The following RALYL variants were observed in gnomAD, a reference collection of about 807,000 sequenced individuals.
RALYL encodes RALY RNA binding protein like.
RALYL carries 29 observed loss-of-function variants against 35.1 expected under a neutral mutation model. The ratio of observed to expected loss-of-function variants is 0.83; its 90% confidence interval spans 0.61 to 1.13. The LOEUF is 1.13. RALYL is among the 50% of genes most tolerant of loss of function. The pLI is 0.00. For missense variants in RALYL, 359 were observed against 360.4 expected, an observed-to-expected ratio of 1.00 and a Z score of 0.03; for synonymous variants, 120 against 127.6, an observed-to-expected ratio of 0.94 and a Z score of 0.40.
rs576933612 is a variant in RALYL at position 84,275,585 on chromosome 8, T to C, written c.-24+91161T>C. Among the ~76,000 whole-genome samples, 3 of 152,038 alleles carry C rather than the reference T, an allele frequency of 2.0e-5. No individual in the cohort carries two copies. The South Asian group carries it at 6.2e-4, about 32-fold the overall frequency. On this transcript the variant is annotated intron_variant, in intron 1 of 8. Coordinates refer to ENST00000521268, the MANE Select transcript of RALYL (RefSeq NM_173848.7). Reference sequence around the variant, plus strand: ...CTGATCATTTTTCAAGACAGTATATTGTTATTATCTATAGTCATAATTTTC... The same window carrying C: ...CTGATCATTTTTCAAGACAGTATATCGTTATTATCTATAGTCATAATTTTC...
chr8:84,618,166 T>C (rs1726984300), intron 2 of RALYL, among the ~76,000 whole-genome samples: 1 of 151,882 alleles, frequency 6.6e-6, no homozygotes, highest in Admixed American at 6.6e-5. Flanking sequence ...TCAGAAGGAA[T>C]GGTACCAGTT....
At chr8:84,799,725 G>A (rs1486748599) in intron 3 of RALYL, among the ~76,000 whole-genome samples, 2 of 152,228 alleles carry the variant, frequency 1.3e-5, no homozygotes, top group African/African-American at 4.8e-5. Flanking sequence ...GGGAGGCCGA[G>A]GCAGGCGGAT....
In RALYL at chr8:84,619,583, G is replaced by T. The variant is rs1052161435; in HGVS notation, c.256+90006G>T. ...CTGTGTCTTTTAATTGGAGCATTTA[G>T]TCCATTTACATTTAAAGTTAATATT... is the stretch of plus-strand genomic sequence containing the variant. On this transcript the variant is annotated intron_variant, in intron 2 of 8. Coordinates refer to ENST00000521268, the MANE Select transcript of RALYL (RefSeq NM_173848.7). Among the ~76,000 whole-genome samples, 41 of 145,910 alleles carry T rather than the reference G, an allele frequency of 2.8e-4. 1 individual carries two copies. Among genetic ancestry groups the T allele is most frequent in the African/African-American group, 1.0e-3 (40 of 38,670 alleles).
chr8:84,326,127 A>G (rs1845751006), intron 1 of RALYL, among the ~76,000 whole-genome samples: 1 of 152,200 alleles, frequency 6.6e-6, no homozygotes, highest in Non-Finnish European at 1.5e-5. Flanking sequence ...AAAGCAAAAC[A>G]ATAAGTAGTA....
At chr8:84,595,689 A>G (rs1319883155) in intron 2 of RALYL, among the ~76,000 whole-genome samples, 10 of 152,116 alleles carry the variant, frequency 6.6e-5, no homozygotes, top group Admixed American at 4.6e-4. Context: ...GACAAGGGTC[A>G]TAGAAAATCC....
chr8:84,284,573 C>A (rs935243504), intron 1 of RALYL, among the ~76,000 whole-genome samples: 3 of 152,092 alleles, frequency 2.0e-5, no homozygotes, highest in Admixed American at 6.6e-5. Flanking sequence ...AATGTTTTCA[C>A]CACTTCATAA....
intron 1 of RALYL, among the ~76,000 whole-genome samples, chr8:84,279,839 T>C (rs1836198917): frequency 6.6e-6 from 1 of 152,196 alleles, no homozygotes; most frequent in Non-Finnish European, 1.5e-5. Flanking sequence ...ACTCAGCTAA[T>C]CCAGGATAAT....
At chr8:84,651,078 G>T (rs1012869441) in intron 2 of RALYL, among the ~76,000 whole-genome samples, 3 of 151,894 alleles carry the variant, frequency 2.0e-5, no homozygotes, top group Non-Finnish European at 4.4e-5. Flanking sequence ...TTGTGGGGTG[G>T]GGGTAGCGGG....
intron 4 of RALYL, among the ~76,000 whole-genome samples, chr8:84,831,838 G>T (rs536334593): frequency 2.0e-5 from 3 of 152,188 alleles, no homozygotes; most frequent in African/African-American, 4.8e-5. Context: ...TTGACAAAAG[G>T]TGCAAATCAG....
intron 1 of RALYL, among the ~76,000 whole-genome samples, chr8:84,392,720 C>A (rs73300760): frequency 0.028 from 4,295 of 151,944 alleles, 195 homozygotes; most frequent in African/African-American, 0.098. Context: ...CAAATTTACC[C>A]AATGGTATAC....
intron 2 of RALYL, among the ~76,000 whole-genome samples, chr8:84,649,174 C>T (rs1018964166): frequency 7.2e-5 from 11 of 152,054 alleles, no homozygotes; most frequent in African/African-American, 2.7e-4. Context: ...AGGTTATAGA[C>T]CATGTTAATC....
intron 1 of RALYL, among the ~76,000 whole-genome samples, chr8:84,405,029 G>T (rs373417127): frequency 3.3e-5 from 5 of 152,216 alleles, no homozygotes; most frequent in African/African-American, 1.2e-4. Flanking sequence ...AGACCACAGG[G>T]TAAGCAAATT....
intron 2 of RALYL, among the ~76,000 whole-genome samples, chr8:84,727,705 G>A (rs1488504828): frequency 6.9e-6 from 1 of 145,390 alleles, no homozygotes; most frequent in African/African-American, 2.5e-5. Context: ...TCCCACCTAT[G>A]AGTGAGAATA....
intron 4 of RALYL, among the ~76,000 whole-genome samples, chr8:84,813,037 G>T (rs1026835573): frequency 2.0e-5 from 3 of 152,130 alleles, no homozygotes; most frequent in African/African-American, 7.2e-5. Flanking sequence ...GATCCCTGTG[G>T]TGCCAGGCAG....
At chr8:84,333,571 C>G (rs186824287) in intron 1 of RALYL, among the ~76,000 whole-genome samples, 189 of 152,246 alleles carry the variant, frequency 1.2e-3, no homozygotes, top group African/African-American at 4.4e-3. Context: ...AAGGAATTTA[C>G]CTTATCTTCT....
intron 1 of RALYL, among the ~76,000 whole-genome samples, chr8:84,318,934 G>T (rs1235896450): frequency 1.3e-5 from 2 of 152,260 alleles, no homozygotes; most frequent in Non-Finnish European, 2.9e-5. Context: ...GTGGAGAATA[G>T]AATGGCCTGC....
intron 1 of RALYL, among the ~76,000 whole-genome samples, chr8:84,255,134 C>A (rs889198627): frequency 2.6e-5 from 4 of 151,968 alleles, no homozygotes; most frequent in African/African-American, 9.7e-5. Flanking sequence ...AACTGAAAGT[C>A]TTAATTATTT....
intron 1 of RALYL, among the ~76,000 whole-genome samples, chr8:84,453,476 A>G (rs948953331): frequency 6.6e-6 from 1 of 152,034 alleles, no homozygotes; most frequent in Non-Finnish European, 1.5e-5. Context: ...AACACATTTT[A>G]GTATAAACAA....
chr8:84,839,125 G>A (rs1832645716), intron 4 of RALYL, among the ~76,000 whole-genome samples: 1 of 152,192 alleles, frequency 6.6e-6, no homozygotes, highest in Non-Finnish European at 1.5e-5. Context: ...GTGGGTGCAG[G>A]ACAGTGAGTG....
Sources: gnomAD v4.1 joint callset for allele counts (sites outside exome capture counted in the v4.1 genomes callset) on GRCh38, gnomAD v4.1.1 for gene constraint, MANE v1.5 for transcripts, NCBI Gene and HGNC (gene_info 2026-07-23, HGNC 2026-07-21) for gene names.